Variants in LHFPL5 observed in about 807,000 individuals in gnomAD.
The protein encoded by LHFPL5 is LHFPL tetraspan subfamily member 5.
In LHFPL5, 12 loss-of-function variants were observed where a neutral mutation model predicts 18.7. That is an observed-to-expected ratio of 0.64 (90% CI 0.41 to 1.04). The LOEUF is 1.04. Among genes scored for constraint, LHFPL5 ranks in the 50% least tolerant of loss-of-function variants. The pLI is 0.00. For missense variants in LHFPL5, 259 were observed against 292.1 expected, an observed-to-expected ratio of 0.89 and a Z score of 0.83; for synonymous variants, 111 against 120.2, an observed-to-expected ratio of 0.92 and a Z score of 0.50.
intron 1 of LHFPL5, among the ~76,000 whole-genome samples, chr6:35,813,464 C>T (rs1310148512): frequency 6.6e-5 from 10 of 151,874 alleles, no homozygotes; most frequent in Non-Finnish European, 1.2e-4. Context: ...AGGATGGTCT[C>T]GATCTCCTGA....
At chr6:35,818,339 ATATATATATGTATTTTTT>A (rs1768800756) in intron 2 of LHFPL5, among the ~76,000 whole-genome samples, 1 of 27,864 alleles carries the variant, frequency 3.6e-5, no homozygotes, top group Non-Finnish European at 5.9e-5. Context: ...ATATATATAT[ATATATATATGTATTTTTT>A]TTTTTTTTTT....
At position 35,817,832 on chromosome 6, in the gene LHFPL5, C is replaced by T. The variant is rs1423414375; in HGVS notation, c.650-1605C>T. On this transcript the variant is annotated intron_variant, in intron 2 of 3. Transcript: ENST00000360215. ...GGTTAATCATAGAGTTACTATATGA[C>T]CCAGTAATTCCACTATTGGGTGTAC... Among the ~76,000 whole-genome samples the T allele has an allele frequency of 3.3e-5, 5 of 152,160 alleles. No individual in the cohort carries two copies. In the South Asian group the frequency reaches 8.3e-4, roughly 25 times the overall value.
intron 1 of LHFPL5, among the ~76,000 whole-genome samples, chr6:35,810,441 G>A (rs895846923): frequency 3.9e-5 from 6 of 152,142 alleles, no homozygotes; most frequent in Admixed American, 3.9e-4. Context: ...AACAGGCTGG[G>A]CATGGTGGCT....
Position 35,813,054 on chromosome 6 carries a change from CAAA to C in LHFPL5, c.413-1485_413-1483del, listed in dbSNP as rs1207945675. ...TGGGCGACAGAGCAAGACTCTGTCT[CAAA>C]AAAAAAGAAAAGAAAGCTTAAGTTG... On this transcript the variant is annotated intron_variant, in intron 1 of 3. Transcript: ENST00000360215. Among the ~76,000 whole-genome samples the C allele has an allele frequency of 1.0e-4, 15 of 148,840 alleles. No individual in the cohort carries two copies. The East Asian group carries it at 2.2e-3, about 22-fold the overall frequency.
chr6:35,822,485 C>T (rs1159064384), intron 3 of LHFPL5, among the ~76,000 whole-genome samples: 2 of 151,956 alleles, frequency 1.3e-5, no homozygotes, highest in Admixed American at 6.6e-5. Flanking sequence ...ATTTTTGATA[C>T]ATAGTTTTTT....
At position 35,819,471 on chromosome 6, in the gene LHFPL5, A is replaced by G. The variant is rs575335323; in HGVS notation, c.*16+8A>G. The G allele has an allele frequency of 6.3e-5, 102 of 1,613,420 alleles. 1 individual carries two copies. The South Asian group carries it at 1.1e-3, about 17-fold the overall frequency. On this transcript the variant is annotated splice_region_variant and intron_variant, in intron 3 of 3. Transcript: ENST00000360215. ...GAAGCAGCTGAAGGGTCGGTGAGTA[A>G]TTCTATGGGAGGGTGGTCTGCGTGC...
Position 35,823,091 on chromosome 6 carries a change from G to A in LHFPL5, c.*126G>A, listed in dbSNP as rs1327264579. On this transcript the variant is annotated 3_prime_UTR_variant, in exon 4 of 4. Coordinates refer to ENST00000360215, the MANE Select transcript of LHFPL5 (RefSeq NM_182548.4). ...GGCTACTATAGGCCTGAAGCCTGAAGCCTTTTATTATAACACTAAAACTGG... is the reference window on the plus strand; with the variant it reads ...GGCTACTATAGGCCTGAAGCCTGAAACCTTTTATTATAACACTAAAACTGG... 1 of 152,042 alleles carries A rather than the reference G, an allele frequency of 6.6e-6. No individual in the cohort carries two copies. The highest frequency in any genetic ancestry group is 1.5e-5 in the Non-Finnish European group (1 of 68,018). 9.4% of individuals were successfully genotyped at this position (152,042 alleles called of 1,614,324 possible). A position where few individuals can be genotyped will look rare whatever the true frequency, so the allele number is the denominator to read the frequency against.
chr6:35,813,856 G>C (rs969512231), intron 1 of LHFPL5, among the ~76,000 whole-genome samples: 9 of 145,872 alleles, frequency 6.2e-5, no homozygotes, highest in African/African-American at 2.3e-4. Context: ...GAGTGCAATG[G>C]TGTGATCTCA....
chr6:35,808,543 T>A (rs1310900803), intron 1 of LHFPL5, among the ~76,000 whole-genome samples: 1 of 133,630 alleles, frequency 7.5e-6, no homozygotes, highest in African/African-American at 2.7e-5. Flanking sequence ...TATATATTCT[T>A]TACTATATAT....
intron 3 of LHFPL5, chr6:35,819,824 C>G: frequency 3.3e-6 from 1 of 305,900 alleles, no homozygotes. Flanking sequence ...ATTACAGGTG[C>G]GTGCCACCAT....
intron 1 of LHFPL5, among the ~76,000 whole-genome samples, chr6:35,810,853 A>T (rs2766525): frequency 1.3e-5 from 2 of 149,412 alleles, no homozygotes; most frequent in African/African-American, 5.0e-5. Context: ...AAGAAAGAAA[A>T]GAAAAACACA....
chr6:35,807,187 A>G (rs1478497366), intron 1 of LHFPL5, among the ~76,000 whole-genome samples: 1 of 152,148 alleles, frequency 6.6e-6, no homozygotes, highest in East Asian at 1.9e-4. Flanking sequence ...TAATCCCAGC[A>G]CTTTGGGAGA....
At chr6:35,809,923 C>G (rs141637731) in intron 1 of LHFPL5, among the ~76,000 whole-genome samples, 1 of 152,234 alleles carries the variant, frequency 6.6e-6, no homozygotes, top group African/African-American at 2.4e-5. Flanking sequence ...TGTTTCCTAG[C>G]TTTTCCTACT....
chr6:35,806,201 A>G (rs1581967732), intron 1 of LHFPL5, 119 bp downstream of exon 1: 2 of 1,012,500 alleles, frequency 2.0e-6, no homozygotes, highest in South Asian at 1.4e-5. Context: ...CCTATAGCCC[A>G]GTCCTACTCA....
chr6:35,814,606 G>A lies in LHFPL5; in HGVS notation c.473G>A (p.Arg158Gln), dbSNP rs566829909. ...YPDGWDSSEV[R>Q]RMCGEQTGKY... ...GATGGTTGGGACTCAAGTGAGGTGC[G>A]GCGCATGTGTGGGGAGCAGACGGGC... Residue 158 changes from arginine to glutamine, a missense_variant, in exon 2 of 4, where the codon CGG (arginine) becomes CAG (glutamine). Physicochemically the swap from Arg to Gln is conservative, Grantham distance 43. Coordinates refer to ENST00000360215, the MANE Select transcript of LHFPL5 (RefSeq NM_182548.4). The surrounding 1 kb of genome is among the most constrained non-coding windows in gnomAD (Gnocchi z 4.2). 2.7e-5 allele frequency: 43 copies of A among 1,614,054 alleles called. No homozygotes were observed. Among genetic ancestry groups the A allele is most frequent in the African/African-American group, 9.3e-5 (7 of 74,920 alleles).
intron 3 of LHFPL5, among the ~76,000 whole-genome samples, chr6:35,822,039 A>G (rs910178911): frequency 5.9e-5 from 9 of 151,416 alleles, no homozygotes; most frequent in Admixed American, 5.9e-4. Flanking sequence ...CTGCCCAGCT[A>G]TAATAATTTT....
intron 1 of LHFPL5, among the ~76,000 whole-genome samples, chr6:35,811,593 C>T (rs1280429237): frequency 6.6e-6 from 1 of 152,194 alleles, no homozygotes; most frequent in Non-Finnish European, 1.5e-5. Flanking sequence ...GGTCAGAGGC[C>T]CTGGGCTTTT....
intron 3 of LHFPL5, among the ~76,000 whole-genome samples, chr6:35,821,891 T>TTTTTTTTTA (rs1768875344): frequency 7.9e-6 from 1 of 126,554 alleles, no homozygotes; most frequent in Non-Finnish European, 1.6e-5. Flanking sequence ...TTTTTTTTTT[T>TTTTTTTTTA]GAGACAGGGT....
At chr6:35,816,997 C>A (rs1768775561) in intron 2 of LHFPL5, among the ~76,000 whole-genome samples, 2 of 151,970 alleles carry the variant, frequency 1.3e-5, no homozygotes. Context: ...CAAAAATTAA[C>A]TCAAAGACCT....
Sources: gnomAD v4.1 joint callset for allele counts (sites outside exome capture counted in the v4.1 genomes callset) on GRCh38, gnomAD v4.1.1 for gene constraint, Gnocchi (gnomAD v3.1) non-coding constraint, MANE v1.5 for transcripts, NCBI Gene and HGNC (gene_info 2026-07-23, HGNC 2026-07-21) for gene names.